EBF1: variants seen among roughly 807,000 people sequenced by gnomAD.
The protein encoded by EBF1 is transcription factor COE1.
Under a neutral mutation model 68.4 loss-of-function variants are expected in EBF1, and 10 were observed. That is an observed-to-expected ratio of 0.15 (90% CI 0.09 to 0.25). EBF1 has a LOEUF of 0.25. Ranked by LOEUF, EBF1 falls within the 10% of genes least tolerant of loss-of-function variation. The pLI is 1.00. For missense variants in EBF1, 509 were observed against 794.4 expected (o/e 0.64, Z 4.32); for synonymous variants, 298 against 299.8 (o/e 0.99, Z 0.06).
chr5:158,794,548 G>A (rs926388123), intron 9 of EBF1, among the ~76,000 whole-genome samples: 2 of 152,132 alleles, frequency 1.3e-5, no homozygotes, highest in Non-Finnish European at 2.9e-5. Context: ...AAGGCACAAG[G>A]TTTTACAGGA....
intron 5 of EBF1, among the ~76,000 whole-genome samples, chr5:159,083,129 T>C (rs1037263837): frequency 6.6e-5 from 10 of 152,224 alleles, no homozygotes; most frequent in African/African-American, 2.4e-4. Flanking sequence ...CATCTTCCTG[T>C]CTGTTTCCTA....
At chr5:158,750,109 G>A (rs1768474148) in intron 10 of EBF1, among the ~76,000 whole-genome samples, 1 of 152,132 alleles carries the variant, frequency 6.6e-6, no homozygotes, top group Admixed American at 6.6e-5. Context: ...GAGAAAGGAG[G>A]TGCATCCAGG....
chr5:158,971,494 G>A (rs1755641536), intron 6 of EBF1, among the ~76,000 whole-genome samples: 1 of 152,158 alleles, frequency 6.6e-6, no homozygotes. Context: ...CTGCCTTCTT[G>A]GAGTCGTGGT....
rs554830606 is a variant in EBF1, at chr5:158,823,170, G to A, written c.778+6C>T. On this transcript the variant is annotated splice_donor_region_variant and intron_variant, in intron 8 of 15. Coordinates refer to ENST00000313708, the MANE Select transcript of EBF1 (RefSeq NM_024007.5). ...CAATGCCAACCAATGAAAATGATTC[G>A]CCTACCATGTTCCAGATAAGAGGGC... The A allele has an allele frequency of 3.6e-5, 58 of 1,613,772 alleles. No individual in the cohort carries two copies. The highest frequency in any genetic ancestry group is 1.5e-4 in the African/African-American group (11 of 74,992).
chr5:158,823,252 G>A lies in EBF1; in HGVS notation c.702C>T (p.Val234=), dbSNP rs139761226. 9 of 1,613,782 alleles carry A rather than the reference G, an allele frequency of 5.6e-6. No individual in the cohort carries two copies. The African/African-American group carries it at 1.1e-4, about 19-fold the overall frequency. ...TCCGCCCATGCTTGGAATTATTATG[G>A]ACAAACATGTTATCAGAGACTGCCA... The part of the protein sequence containing the change: ...HVLAVSDNMF[V]HNNSKHGRRA... The change falls in exon 8 of 16, where the codon GTC becomes GTT. Residue 234 remains valine (V), a synonymous_variant. Transcript: ENST00000313708.
At chr5:158,811,120 T>G (rs982284192) in intron 8 of EBF1, among the ~76,000 whole-genome samples, 2 of 152,198 alleles carry the variant, frequency 1.3e-5, no homozygotes, top group Admixed American at 6.5e-5. Context: ...CACTGAGTAT[T>G]TCAAGTTGCA....
chr5:158,899,603 A>G (rs1218869627), intron 6 of EBF1, among the ~76,000 whole-genome samples: 4 of 152,192 alleles, frequency 2.6e-5, no homozygotes, highest in African/African-American at 9.6e-5. Flanking sequence ...CGGGAAGAAC[A>G]CTTGCAATAT....
chr5:158,809,369 A>C (rs955520406), intron 8 of EBF1, among the ~76,000 whole-genome samples: 1 of 152,160 alleles, frequency 6.6e-6, no homozygotes, highest in African/African-American at 2.4e-5. Context: ...TAAAACACCC[A>C]AACTACGCTT....
intron 6 of EBF1, among the ~76,000 whole-genome samples, chr5:158,999,681 T>C (rs1052769405): frequency 6.6e-6 from 1 of 152,218 alleles, no homozygotes; most frequent in Non-Finnish European, 1.5e-5. Flanking sequence ...AATTATGCTA[T>C]CCACTGATCC....
chr5:159,062,015 C>T (rs1284994572), intron 6 of EBF1, among the ~76,000 whole-genome samples: 1 of 152,208 alleles, frequency 6.6e-6, no homozygotes, highest in African/African-American at 2.4e-5. Context: ...TGCCTGCCTA[C>T]ATTATTTCAT....
At chr5:159,073,202 C>T (rs972300296) in intron 6 of EBF1, among the ~76,000 whole-genome samples, 194 bp downstream of exon 6, 2 of 152,152 alleles carry the variant, frequency 1.3e-5, no homozygotes, top group African/African-American at 4.8e-5. Flanking sequence ...CCGGAGCAAT[C>T]CAAGGAACAG....
intron 10 of EBF1, among the ~76,000 whole-genome samples, chr5:158,746,383 G>T (rs1407647578): frequency 6.6e-6 from 1 of 152,152 alleles, no homozygotes; most frequent in African/African-American, 2.4e-5. Flanking sequence ...GAGGATGAAA[G>T]AATTTTAAGC....
At chr5:158,780,857 C>T (rs1389188244) in intron 9 of EBF1, among the ~76,000 whole-genome samples, 1 of 152,176 alleles carries the variant, frequency 6.6e-6, no homozygotes, top group African/African-American at 2.4e-5. Flanking sequence ...TGTGTCAAAT[C>T]TAAAAATGTC....
chr5:158,929,966 A>G (rs957202360), intron 6 of EBF1, among the ~76,000 whole-genome samples: 1 of 152,232 alleles, frequency 6.6e-6, no homozygotes, highest in Admixed American at 6.5e-5. Flanking sequence ...ATCAAAGTCA[A>G]GAGCAGGAAG....
intron 6 of EBF1, among the ~76,000 whole-genome samples, chr5:159,001,330 A>T (rs1378237723): frequency 6.6e-6 from 1 of 152,218 alleles, no homozygotes; most frequent in Non-Finnish European, 1.5e-5. Flanking sequence ...AGCCACATCC[A>T]CAAAATTTCT....
intron 6 of EBF1, among the ~76,000 whole-genome samples, chr5:158,868,574 T>A (rs1253763562): frequency 6.6e-6 from 1 of 152,180 alleles, no homozygotes; most frequent in Non-Finnish European, 1.5e-5. Flanking sequence ...GGGCAGTGCT[T>A]TTTTGTTATG....
chr5:158,978,213 C>T (rs575088671), intron 6 of EBF1, among the ~76,000 whole-genome samples: 5 of 152,362 alleles, frequency 3.3e-5, no homozygotes, highest in African/African-American at 9.6e-5. Context: ...GCTCACTGCG[C>T]CCCGGTGCGC....
chr5:158,949,178 C>A (rs909331378), intron 6 of EBF1, among the ~76,000 whole-genome samples: 2 of 152,220 alleles, frequency 1.3e-5, no homozygotes, highest in African/African-American at 2.4e-5. Context: ...AATTCCCCAA[C>A]TTATTCTTTA....
At position 158,856,138 on chromosome 5, in the gene EBF1, G is replaced by C. The variant is rs1260590685; in HGVS notation, c.555-16028C>G. On this transcript the variant is annotated intron_variant, in intron 6 of 15. Coordinates refer to ENST00000313708, the MANE Select transcript of EBF1 (RefSeq NM_024007.5). ...CTGAGTTTTCATCCCTGTCTCTGGG[G>C]TTCTTCTGCTGATGGCTACCAGATG... Among the ~76,000 whole-genome samples, 4 of 152,188 alleles carry C rather than the reference G, an allele frequency of 2.6e-5. No homozygotes were observed. In the East Asian group the frequency reaches 7.7e-4, roughly 29 times the overall value.
Sources: gnomAD v4.1 joint callset for allele counts (sites outside exome capture counted in the v4.1 genomes callset) on GRCh38, gnomAD v4.1.1 for gene constraint, MANE v1.5 for transcripts, NCBI Gene and HGNC (gene_info 2026-07-23, HGNC 2026-07-21) for gene names.